Variants in CADM1 observed in about 807,000 individuals in gnomAD.
CADM1 encodes the protein TSLC-1.
In CADM1, 15 loss-of-function variants were observed where a neutral mutation model predicts 53.1. The observed-to-expected ratio is 0.28, with a 90% CI of 0.19 to 0.44. The LOEUF (loss-of-function observed/expected upper bound fraction) is 0.44, where lower values mean the gene tolerates loss of function less well. Ranked by LOEUF, CADM1 falls within the 20% of genes least tolerant of loss-of-function variation. The pLI is 1.00. For synonymous variants in CADM1, 281 were observed against 243.0 expected (o/e 1.16, Z -1.45); for missense variants, 434 against 611.3 (o/e 0.71, Z 3.06).
At chr11:115,440,991 G>A (rs1237411758) in intron 1 of CADM1, among the ~76,000 whole-genome samples, 2 of 151,830 alleles carry the variant, frequency 1.3e-5, no homozygotes, top group Non-Finnish European at 2.9e-5. Context: ...TGTCACCCAG[G>A]CTGGTCTCAA....
intron 1 of CADM1, among the ~76,000 whole-genome samples, chr11:115,285,333 G>A (rs1257443279): frequency 6.6e-6 from 1 of 152,200 alleles, no homozygotes; most frequent in Non-Finnish European, 1.5e-5. Context: ...ACTTCGTTGT[G>A]TACCTACTCT....
intron 1 of CADM1, among the ~76,000 whole-genome samples, chr11:115,487,840 A>G (rs895345466): frequency 1.3e-5 from 2 of 152,222 alleles, no homozygotes; most frequent in African/African-American, 4.8e-5. Context: ...TTCTTGGATA[A>G]TACCAATCAT....
intron 1 of CADM1, among the ~76,000 whole-genome samples, chr11:115,251,674 T>TAAGG (rs1565325364): frequency 6.6e-6 from 1 of 152,224 alleles, no homozygotes; most frequent in Admixed American, 6.5e-5. Context: ...GGTCCATGAC[T>TAAGG]AAGGCCCTTA....
chr11:115,372,554 A>T (rs988307596), intron 1 of CADM1, among the ~76,000 whole-genome samples: 1 of 152,164 alleles, frequency 6.6e-6, no homozygotes, highest in African/African-American at 2.4e-5. Flanking sequence ...TAAAAATGTG[A>T]AAGTTTGCAA....
At chr11:115,436,823 C>T (rs1194381584) in intron 1 of CADM1, among the ~76,000 whole-genome samples, 6 of 152,076 alleles carry the variant, frequency 3.9e-5, no homozygotes, top group Admixed American at 3.9e-4. Flanking sequence ...TGGAATGCAG[C>T]AATAGTGTAT....
chr11:115,222,710 C>T (rs1315817228), intron 5 of CADM1, among the ~76,000 whole-genome samples: 1 of 152,106 alleles, frequency 6.6e-6, no homozygotes, highest in Non-Finnish European at 1.5e-5. Flanking sequence ...ATGCAGTCTT[C>T]TCTTGCTGCA....
At chr11:115,422,456 T>A (rs972709068) in intron 1 of CADM1, among the ~76,000 whole-genome samples, 1 of 152,168 alleles carries the variant, frequency 6.6e-6, no homozygotes, top group African/African-American at 2.4e-5. Context: ...TGATCTCCAA[T>A]TACAACACTA....
chr11:115,442,624 T>C (rs1948344708), intron 1 of CADM1, among the ~76,000 whole-genome samples: 1 of 152,182 alleles, frequency 6.6e-6, no homozygotes, highest in African/African-American at 2.4e-5. Context: ...ACTCCTCCTA[T>C]CACTCCTGGG....
Position 115,206,758 on chromosome 11 carries a change from C to CTTTTTTTTTTTTTTTTTTTTTTTTTTT in CADM1, c.1078+2789_1078+2815dup, listed in dbSNP as rs56270694. 5.2e-5 allele frequency among the ~76,000 whole-genome samples: 2 copies of CTTTTTTTTTTTTTTTTTTTTTTTTTTT among 38,232 alleles called. 1 individual carries two copies. The highest frequency in any genetic ancestry group is 9.0e-5 in the Non-Finnish European group (2 of 22,288). 25.1% of individuals were successfully genotyped at this position (38,232 alleles called of 152,430 possible). ...AAAAGAAATAGATGACTGTGGACTTCTTTTTTTTTTTTTTTTTTTTTTTTT... is the reference window on the plus strand; with the variant it reads ...AAAAGAAATAGATGACTGTGGACTTCTTTTTTTTTTTTTTTTTTTTTTTTTTTTTTTTTTTTTTTTTTTTTTTTTTTT... On this transcript the variant is annotated intron_variant, in intron 8 of 11. Transcript: ENST00000331581.
chr11:115,281,758 GAAA>G (rs1943590756), intron 1 of CADM1, among the ~76,000 whole-genome samples: 1 of 151,528 alleles, frequency 6.6e-6, no homozygotes, highest in Non-Finnish European at 1.5e-5. Context: ...AGTTTTCAAT[GAAA>G]AAAAGCTTAG....
intron 1 of CADM1, among the ~76,000 whole-genome samples, chr11:115,428,858 G>A (rs775778502): frequency 2.6e-5 from 4 of 151,972 alleles, no homozygotes; most frequent in Non-Finnish European, 5.9e-5. Context: ...ATAAAACATC[G>A]TACTATGTTG....
intron 1 of CADM1, among the ~76,000 whole-genome samples, chr11:115,328,366 G>A (rs953735959): frequency 6.6e-6 from 1 of 151,886 alleles, no homozygotes; most frequent in Non-Finnish European, 1.5e-5. Context: ...TAAATTTAAT[G>A]GGCGAGAAAC....
chr11:115,452,265 A>C (rs1247093275), intron 1 of CADM1, among the ~76,000 whole-genome samples: 1 of 152,262 alleles, frequency 6.6e-6, no homozygotes, highest in Admixed American at 6.5e-5. Flanking sequence ...AGATGACCCA[A>C]GATTTCCTCT....
chr11:115,302,994 A>C (rs1056805948), intron 1 of CADM1, among the ~76,000 whole-genome samples: 3 of 152,116 alleles, frequency 2.0e-5, no homozygotes, highest in Admixed American at 2.0e-4. Context: ...GCTGCTAGAC[A>C]TGAAAACAAA....
chr11:115,460,065 A>T (rs1352800701), intron 1 of CADM1, among the ~76,000 whole-genome samples: 1 of 152,078 alleles, frequency 6.6e-6, no homozygotes, highest in Non-Finnish European at 1.5e-5. Context: ...CTTTTTTTCT[A>T]GTTGGCAGGT....
At chr11:115,392,698 G>A (rs1565402950) in intron 1 of CADM1, among the ~76,000 whole-genome samples, 1 of 152,234 alleles carries the variant, frequency 6.6e-6, no homozygotes, top group East Asian at 1.9e-4. Context: ...AAATGACCAT[G>A]TGGTGAGATG....
chr11:115,279,323 T>A (rs1372107269), intron 1 of CADM1, among the ~76,000 whole-genome samples: 1 of 152,188 alleles, frequency 6.6e-6, no homozygotes, highest in Non-Finnish European at 1.5e-5. Context: ...AATCAGATAC[T>A]TAACATTTTT....
intron 5 of CADM1, among the ~76,000 whole-genome samples, chr11:115,220,907 A>G (rs902109614): frequency 2.6e-5 from 4 of 152,188 alleles, no homozygotes; most frequent in Non-Finnish European, 5.9e-5. Context: ...ATACCAAACA[A>G]TCCAGATGGC....
In CADM1 at chr11:115,237,886, C is replaced by G. The variant is rs559707998; in HGVS notation, c.424+614G>C. On this transcript the variant is annotated intron_variant, in intron 3 of 11. Transcript: ENST00000331581. ...GACACTCAGCTCACTGGAGGTGTACCTAGCAGCCCGTCAACAGTTCTTTGC... is the reference window on the plus strand; with the variant it reads ...GACACTCAGCTCACTGGAGGTGTACGTAGCAGCCCGTCAACAGTTCTTTGC... Among the ~76,000 whole-genome samples the G allele has an allele frequency of 1.0e-3, 155 of 152,296 alleles. 2 individuals carry two copies. The highest frequency in any genetic ancestry group is 3.6e-3 in the African/African-American group (150 of 41,568).
Sources: allele counts gnomAD v4.1 joint callset (sites outside exome capture counted in the v4.1 genomes callset), GRCh38; gene constraint gnomAD v4.1.1; transcripts MANE v1.5; gene names NCBI Gene and HGNC (gene_info 2026-07-23, HGNC 2026-07-21).